The following IMMP2L variants were observed in gnomAD, a reference collection of about 807,000 sequenced individuals.
The protein encoded by IMMP2L is inner mitochondrial membrane peptidase subunit 2.
IMMP2L carries 18 observed loss-of-function variants against 19.3 expected under a neutral mutation model. The ratio of observed to expected loss-of-function variants is 0.93; its 90% CI spans 0.64 to 1.38. The LOEUF is 1.38. Ranked by LOEUF, IMMP2L falls within the 40% of genes most tolerant of loss-of-function variation. The pLI is 0.00. For missense variants in IMMP2L, 233 were observed against 218.2 expected (o/e 1.07, Z -0.43); for synonymous variants, 76 against 73.0 (o/e 1.04, Z -0.21).
intron 3 of IMMP2L, among the ~76,000 whole-genome samples, chr7:111,303,127 C>T (rs952285399): frequency 6.6e-6 from 1 of 152,106 alleles, no homozygotes; most frequent in African/African-American, 2.4e-5. Flanking sequence ...AAATGCATTT[C>T]TAAGTATACA....
Position 111,261,905 on chromosome 7 carries a change from T to C in IMMP2L, c.239+225333A>G, listed in dbSNP as rs78288887. On this transcript the variant is annotated intron_variant, in intron 3 of 5. Coordinates refer to ENST00000405709, the MANE Select transcript of IMMP2L (RefSeq NM_032549.4). ...GATTTTACCCTGAAGGTTATGGGGATAGACTGAAGAATATAAAGCTGGAGA... is the reference window on the plus strand; with the variant it reads ...GATTTTACCCTGAAGGTTATGGGGACAGACTGAAGAATATAAAGCTGGAGA... 9.2e-3 allele frequency among the ~76,000 whole-genome samples: 1,401 copies of C among 152,230 alleles called. 23 individuals carry two copies. The highest frequency in any genetic ancestry group is 0.032 in the African/African-American group (1,323 of 41,550).
At position 110,757,365 on chromosome 7, in the gene IMMP2L, C is replaced by G. The variant is rs1364087705; in HGVS notation, c.409-93644G>C. ...TGCATTTTCATTTTGCACTGTACCC[C>G]TCAAATGATGCAGTTGACTCTGGTT... On this transcript the variant is annotated intron_variant, in intron 5 of 5. Coordinates refer to ENST00000405709, the MANE Select transcript of IMMP2L (RefSeq NM_032549.4). The surrounding 1 kb of genome is among the most constrained non-coding windows in gnomAD (Gnocchi z 4.2). Among the ~76,000 whole-genome samples the G allele has an allele frequency of 6.6e-6, 1 of 152,178 alleles. No individual in the cohort carries two copies. Among genetic ancestry groups the G allele is most frequent in the East Asian group, 1.9e-4 (1 of 5,156 alleles).
At chr7:111,537,198 C>A (rs933545460) in intron 1 of IMMP2L, among the ~76,000 whole-genome samples, 5 of 151,744 alleles carry the variant, frequency 3.3e-5, no homozygotes, top group Non-Finnish European at 5.9e-5. Flanking sequence ...TGAGATAAGG[C>A]TAAAAGGGCC....
At chr7:111,126,924 T>A (rs943947181) in intron 3 of IMMP2L, among the ~76,000 whole-genome samples, 6 of 152,198 alleles carry the variant, frequency 3.9e-5, no homozygotes, top group African/African-American at 1.4e-4. Context: ...TATAAACATT[T>A]CCAGCACTGT....
intron 3 of IMMP2L, among the ~76,000 whole-genome samples, chr7:111,216,045 G>C (rs1562935841): frequency 6.6e-6 from 1 of 152,040 alleles, no homozygotes; most frequent in Non-Finnish European, 1.5e-5. Flanking sequence ...CCTTCCAACT[G>C]TCTTTCTCTT....
chr7:111,284,521 TG>T (rs1181905433), intron 3 of IMMP2L, among the ~76,000 whole-genome samples: 1 of 152,012 alleles, frequency 6.6e-6, no homozygotes, highest in Admixed American at 6.6e-5. Flanking sequence ...TTCTTAGAAG[TG>T]GAAGAGTTTA....
chr7:111,090,823 AT>A (rs1586196693), intron 3 of IMMP2L, among the ~76,000 whole-genome samples: 2 of 152,144 alleles, frequency 1.3e-5, no homozygotes, highest in African/African-American at 4.8e-5. Context: ...TGTCCTCTCT[AT>A]TTGCAGACTG....
chr7:111,346,714 A>G (rs1827605091), intron 3 of IMMP2L, among the ~76,000 whole-genome samples: 1 of 152,170 alleles, frequency 6.6e-6, no homozygotes, highest in African/African-American at 2.4e-5. Flanking sequence ...ACAGGTGTGT[A>G]GATGGAACAA....
rs184772922 is a variant in IMMP2L, at chr7:111,250,559, T to C, written c.239+236679A>G. On this transcript the variant is annotated intron_variant, in intron 3 of 5. Transcript: ENST00000405709. The stretch of plus-strand genomic sequence containing the variant: ...TGATACTGGTACAAAAACAGAGACA[T>C]AGACCAATGGAACAGAATAGGGAAC... Among the ~76,000 whole-genome samples the C allele has an allele frequency of 3.9e-5, 6 of 152,116 alleles. No homozygotes were observed. In the East Asian group the frequency reaches 9.7e-4, roughly 25 times the overall value.
chr7:111,268,569 C>CTCT (rs1818083564), intron 3 of IMMP2L, among the ~76,000 whole-genome samples: 2 of 44,562 alleles, frequency 4.5e-5, no homozygotes, highest in African/African-American at 2.0e-4. Context: ...TCACATTTCT[C>CTCT]TTTTTTTTTT....
chr7:110,675,352 C>T (rs868093454), intron 5 of IMMP2L, among the ~76,000 whole-genome samples: 2 of 152,026 alleles, frequency 1.3e-5, no homozygotes, highest in South Asian at 2.1e-4. Context: ...GTGGCTACAT[C>T]CTTTGTCAGG....
intron 5 of IMMP2L, among the ~76,000 whole-genome samples, chr7:110,742,006 T>C (rs907507122): frequency 6.6e-6 from 1 of 152,220 alleles, no homozygotes. Context: ...GGAAAGTCTA[T>C]GTCCACTTAG....
At chr7:111,203,139 T>G (rs973332913) in intron 3 of IMMP2L, among the ~76,000 whole-genome samples, 4 of 152,178 alleles carry the variant, frequency 2.6e-5, no homozygotes, top group African/African-American at 9.7e-5. Context: ...ATAGTTCATT[T>G]GAGATGAATT....
chr7:110,781,494 G>C (rs1799739325), intron 5 of IMMP2L, among the ~76,000 whole-genome samples: 1 of 151,554 alleles, frequency 6.6e-6, no homozygotes, highest in South Asian at 2.1e-4. Flanking sequence ...TTGCCATATG[G>C]TATTCTTATT....
intron 4 of IMMP2L, among the ~76,000 whole-genome samples, chr7:110,952,395 A>T (rs1176649963): frequency 2.0e-5 from 3 of 152,164 alleles, no homozygotes; most frequent in Non-Finnish European, 4.4e-5. Context: ...CACATTTAGC[A>T]TTCCAATAAT....
chr7:111,199,799 T>G (rs890017680), intron 3 of IMMP2L, among the ~76,000 whole-genome samples: 4 of 152,130 alleles, frequency 2.6e-5, no homozygotes, highest in African/African-American at 9.7e-5. Context: ...CTCATTTCAG[T>G]AGATGTCTTA....
intron 3 of IMMP2L, among the ~76,000 whole-genome samples, chr7:111,341,211 C>G (rs11978401): frequency 6.6e-6 from 1 of 152,086 alleles, no homozygotes; most frequent in South Asian, 2.1e-4. Context: ...TTAATACAAC[C>G]TAACCTCTCA....
chr7:111,221,342 C>T (rs964364340), intron 3 of IMMP2L, among the ~76,000 whole-genome samples: 13 of 152,032 alleles, frequency 8.6e-5, no homozygotes, highest in Non-Finnish European at 1.8e-4. Context: ...TATTAGAAAG[C>T]ATTACCCATA....
intron 3 of IMMP2L, among the ~76,000 whole-genome samples, chr7:111,094,210 T>A (rs1563234974): frequency 6.6e-6 from 1 of 152,126 alleles, no homozygotes; most frequent in Non-Finnish European, 1.5e-5. Context: ...ACAATCTAAG[T>A]TGATCAGAAA....
Sources: allele counts gnomAD v4.1 joint callset (sites outside exome capture counted in the v4.1 genomes callset), GRCh38; gene constraint gnomAD v4.1.1; non-coding constraint Gnocchi (gnomAD v3.1); transcripts MANE v1.5; gene names NCBI Gene and HGNC (gene_info 2026-07-23, HGNC 2026-07-21).